The following ZCCHC24 variants were observed in gnomAD, a reference collection of about 807,000 sequenced individuals.
The protein encoded by ZCCHC24 is zinc finger CCHC domain-containing protein 24.
Under a neutral mutation model 26.2 loss-of-function variants are expected in ZCCHC24, and 10 were observed. The ratio of observed to expected loss-of-function variants is 0.38; its 90% CI spans 0.24 to 0.65. The LOEUF (loss-of-function observed/expected upper bound fraction) is 0.65, where lower values mean the gene tolerates loss of function less well. Ranked by LOEUF, ZCCHC24 falls within the 30% of genes least tolerant of loss-of-function variation. The pLI, the probability that ZCCHC24 is intolerant of heterozygous loss-of-function variation, is 0.54. For missense variants in ZCCHC24, 243 were observed against 329.1 expected (o/e 0.74, Z 2.03); for synonymous variants, 144 against 147.1 (o/e 0.98, Z 0.15).
intron 2 of ZCCHC24, among the ~76,000 whole-genome samples, chr10:79,412,357 C>G (rs1352216437): frequency 6.6e-6 from 1 of 152,212 alleles, no homozygotes; most frequent in Non-Finnish European, 1.5e-5. Context: ...AGCCTCTGTG[C>G]GAGTGTGCAC....
At chr10:79,403,082 C>T (rs1856659160) in intron 2 of ZCCHC24, among the ~76,000 whole-genome samples, 2 of 152,234 alleles carry the variant, frequency 1.3e-5, no homozygotes, top group South Asian at 4.1e-4. Flanking sequence ...TTTCCCCAAC[C>T]GTGACCCACA....
At chr10:79,435,452 C>T (rs570114897) in intron 1 of ZCCHC24, among the ~76,000 whole-genome samples, 3 of 152,174 alleles carry the variant, frequency 2.0e-5, no homozygotes, top group Non-Finnish European at 4.4e-5. Flanking sequence ...CTTGGCAGCT[C>T]GACACCCCAC....
chr10:79,444,053 A>G, intron 1 of ZCCHC24: 1 of 1,519,222 alleles, frequency 6.6e-7, no homozygotes, highest in Non-Finnish European at 8.8e-7. Flanking sequence ...TTGCGTACAT[A>G]GGCTTTCCTC....
chr10:79,411,003 G>C (rs1215478002), intron 2 of ZCCHC24, among the ~76,000 whole-genome samples: 1 of 152,140 alleles, frequency 6.6e-6, no homozygotes, highest in African/African-American at 2.4e-5. Context: ...GGCTCTGACT[G>C]GGGGACAAGG....
At chr10:79,426,586 T>G (rs1468784066) in intron 2 of ZCCHC24, among the ~76,000 whole-genome samples, 1 of 152,130 alleles carries the variant, frequency 6.6e-6, no homozygotes, top group African/African-American at 2.4e-5. Flanking sequence ...CATTTCTCTA[T>G]CTCACTGGAA....
intron 2 of ZCCHC24, among the ~76,000 whole-genome samples, chr10:79,394,944 C>T (rs755707409): frequency 8.5e-5 from 13 of 152,222 alleles, no homozygotes; most frequent in African/African-American, 1.4e-4. Flanking sequence ...ACTCCAAAGG[C>T]GGGCCCTGCA....
intron 1 of ZCCHC24, among the ~76,000 whole-genome samples, chr10:79,435,137 T>C (rs1424678903): frequency 6.6e-6 from 1 of 152,116 alleles, no homozygotes; most frequent in Non-Finnish European, 1.5e-5. Flanking sequence ...CTCACCCTCA[T>C]GGCTGGGAAA....
At chr10:79,408,891 C>T (rs920099203) in intron 2 of ZCCHC24, 4 of 152,252 alleles carry the variant, frequency 2.6e-5, no homozygotes, top group African/African-American at 9.7e-5. Flanking sequence ...GTCTCAGTTT[C>T]CCCATCTGTC....
At chr10:79,419,384 G>A (rs550835121) in intron 2 of ZCCHC24, among the ~76,000 whole-genome samples, 1 of 152,316 alleles carries the variant, frequency 6.6e-6, no homozygotes, top group South Asian at 2.1e-4. Context: ...GGGCAACACG[G>A]CGAAGGACAC....
intron 2 of ZCCHC24, among the ~76,000 whole-genome samples, chr10:79,421,927 C>G (rs1280585463): frequency 6.6e-6 from 1 of 152,174 alleles, no homozygotes; most frequent in Non-Finnish European, 1.5e-5. Context: ...CCGCACCCAG[C>G]CTTCTATACA....
At chr10:79,401,536 AG>A (rs1205178656) in intron 2 of ZCCHC24, among the ~76,000 whole-genome samples, 1 of 152,226 alleles carries the variant, frequency 6.6e-6, no homozygotes, top group Non-Finnish European at 1.5e-5. Context: ...ACAACATGCC[AG>A]GATTGCACAA....
intron 2 of ZCCHC24, among the ~76,000 whole-genome samples, chr10:79,429,883 C>G (rs79293935): frequency 0.031 from 4,727 of 152,228 alleles, 222 homozygotes; most frequent in African/African-American, 0.11. Context: ...CTTCAGGGAG[C>G]CTTGCACTGA....
intron 2 of ZCCHC24, among the ~76,000 whole-genome samples, chr10:79,424,749 C>T (rs571396133): frequency 2.2e-4 from 34 of 152,342 alleles, no homozygotes; most frequent in African/African-American, 7.7e-4. Flanking sequence ...GTTCCAGCCA[C>T]ACCCCCACTC....
chr10:79,396,464 G>T (rs888134505), intron 2 of ZCCHC24, among the ~76,000 whole-genome samples: 9 of 152,322 alleles, frequency 5.9e-5, no homozygotes, highest in Non-Finnish European at 1.0e-4. Flanking sequence ...TTGCATGCAC[G>T]TGCTTCCTCC....
At chr10:79,427,740 A>G (rs7899864) in intron 2 of ZCCHC24, among the ~76,000 whole-genome samples, 4,227 of 152,240 alleles carry the variant, frequency 0.028, 209 homozygotes, top group African/African-American at 0.096. Flanking sequence ...GGGGCCAGAC[A>G]CAATGGATCA....
intron 1 of ZCCHC24, chr10:79,443,983 A>T (rs1279501395): frequency 7.8e-7 from 1 of 1,281,956 alleles, no homozygotes; most frequent in Non-Finnish European, 1.0e-6. Context: ...CCTAGTAAAT[A>T]ATGGCAGAGT....
intron 2 of ZCCHC24, among the ~76,000 whole-genome samples, chr10:79,428,351 T>TG (rs376555491): frequency 8.5e-5 from 12 of 140,602 alleles, no homozygotes; most frequent in African/African-American, 1.4e-4. Flanking sequence ...TGGTGGTTGC[T>TG]GGGGGGCAGG....
intron 2 of ZCCHC24, among the ~76,000 whole-genome samples, chr10:79,413,754 G>A (rs1589668639): frequency 3.3e-5 from 4 of 120,398 alleles, no homozygotes; most frequent in Non-Finnish European, 7.1e-5. Flanking sequence ...GTATATGTGC[G>A]TGCGCATGTG....
At chr10:79,405,829 C>G (rs1665267096) in intron 2 of ZCCHC24, among the ~76,000 whole-genome samples, 1 of 152,264 alleles carries the variant, frequency 6.6e-6, no homozygotes, top group Admixed American at 6.5e-5. Flanking sequence ...GAAATCTGAT[C>G]TGCCCTGGCC....
Sources: gnomAD v4.1 joint callset for allele counts (sites outside exome capture counted in the v4.1 genomes callset) on GRCh38, gnomAD v4.1.1 for gene constraint, MANE v1.5 for transcripts, NCBI Gene and HGNC (gene_info 2026-07-23, HGNC 2026-07-21) for gene names.